The following ERBIN variants were observed in gnomAD, a reference collection of about 807,000 sequenced individuals.
ERBIN encodes densin-180-like protein.
A neutral mutation model predicts 158.4 loss-of-function variants in ERBIN; 60 were observed. The observed-to-expected ratio is 0.38, with a 90% confidence interval of 0.31 to 0.47. The LOEUF is 0.47. Ranked by LOEUF, ERBIN falls within the 20% of genes least tolerant of loss-of-function variation. ERBIN has a pLI of 0.99. For synonymous variants in ERBIN, 594 were observed against 557.2 expected (o/e 1.07, Z -0.93); for missense variants, 1,610 against 1,648.0 (o/e 0.98, Z 0.40).
In ERBIN at chr5:66,044,272, G is replaced by A; in HGVS notation, c.1564G>A (p.Glu522Lys). Residue 522 changes from glutamate (E) to lysine (K), a missense_variant, in exon 17 of 26, where the codon GAA (glutamate) becomes AAA (lysine). Glu to Lys is a moderately conservative substitution (Grantham distance 56, BLOSUM62 1). Coordinates refer to ENST00000284037, the MANE Select transcript of ERBIN (RefSeq NM_001253697.2). The stretch of plus-strand genomic sequence containing the variant: ...CTCAGGAAGAGATTTGAAACCACAT[G>A]AAGATCAACAAGATATAAATAAAGA... ...EDSGRDLKPHEDQQDINKDVG... is the reference protein window; with the variant it reads ...EDSGRDLKPHKDQQDINKDVG... 1 of 1,607,940 alleles carries A rather than the reference G, an allele frequency of 6.2e-7. No individual in the cohort carries two copies.
intron 1 of ERBIN, chr5:65,961,197 G>GT: frequency 6.6e-6 from 1 of 152,126 alleles, no homozygotes; most frequent in Non-Finnish European, 1.5e-5. Context: ...TTTGCTCCCA[G>GT]TTAAAAGGGC....
At chr5:66,001,973 C>G (rs1753052134) in intron 4 of ERBIN, among the ~76,000 whole-genome samples, 1 of 152,030 alleles carries the variant, frequency 6.6e-6, no homozygotes. Context: ...TTTCCCCTCA[C>G]TCCCCATCAG....
intron 1 of ERBIN, among the ~76,000 whole-genome samples, chr5:65,960,754 T>A (rs1265451984): frequency 6.6e-6 from 1 of 152,190 alleles, no homozygotes; most frequent in Non-Finnish European, 1.5e-5. Flanking sequence ...TTCAAGCAAG[T>A]TTAATCTTCC....
At chr5:66,008,315 A>T (rs1753837725) in intron 4 of ERBIN, among the ~76,000 whole-genome samples, 1 of 152,104 alleles carries the variant, frequency 6.6e-6, no homozygotes, top group South Asian at 2.1e-4. Context: ...GCTACTTAGG[A>T]GGCTGAGGCA....
intron 15 of ERBIN, among the ~76,000 whole-genome samples, chr5:66,039,769 A>G (rs918707528): frequency 1.3e-5 from 2 of 151,936 alleles, no homozygotes; most frequent in African/African-American, 4.8e-5. Context: ...ATTTAAATAC[A>G]TGGAAGAGAG....
chr5:66,053,965 A>G lies in ERBIN; in HGVS notation c.2647A>G (p.Ile883Val). 6.2e-7 allele frequency: 1 copy of G among 1,614,156 alleles called. No homozygotes were observed. Among genetic ancestry groups the G allele is most frequent in the Non-Finnish European group, 8.5e-7 (1 of 1,180,020 alleles). Reference protein sequence around the residue: ...ITNMEIGGLKIYDILSDNGPQ... With the variant: ...ITNMEIGGLKVYDILSDNGPQ... ...TAATATGGAGATTGGAGGGCTAAAAATCTATGATATTCTTAGTGATAATGG... is the reference window on the plus strand; with the variant it reads ...TAATATGGAGATTGGAGGGCTAAAAGTCTATGATATTCTTAGTGATAATGG... Residue 883 changes from isoleucine to valine, a missense_variant, in exon 21 of 26, where the codon ATC becomes GTC. Ile to Val is a conservative substitution (Grantham distance 29, BLOSUM62 3). Transcript: ENST00000284037.
chr5:66,001,419 T>C (rs1308243991), intron 4 of ERBIN, among the ~76,000 whole-genome samples: 1 of 152,198 alleles, frequency 6.6e-6, no homozygotes, highest in Non-Finnish European at 1.5e-5. Context: ...CACTTGCTTT[T>C]AGGATTTTGG....
chr5:65,967,412 T>A (rs2150976936), intron 1 of ERBIN, among the ~76,000 whole-genome samples: 2 of 152,262 alleles, frequency 1.3e-5, no homozygotes, highest in South Asian at 4.1e-4. Flanking sequence ...TTATCTTTCA[T>A]ACCATATTTT....
chr5:66,046,298 T>A (rs1758432737), intron 17 of ERBIN, 55 bp from the exon 18 acceptor site: 5 of 1,083,198 alleles, frequency 4.6e-6, no homozygotes, highest in Non-Finnish European at 6.3e-6. Context: ...TCTGAACTTT[T>A]AAAATAGATA....
At chr5:65,977,376 C>T (rs1214507739) in intron 1 of ERBIN, among the ~76,000 whole-genome samples, 3,573 of 149,888 alleles carry the variant, frequency 0.024, 68 homozygotes, top group African/African-American at 0.084. Context: ...GGCTGCTGGG[C>T]GGAGGGGCTC....
chr5:65,931,118 A>C (rs1293550944), intron 1 of ERBIN, among the ~76,000 whole-genome samples: 1 of 152,284 alleles, frequency 6.6e-6, no homozygotes, highest in Non-Finnish European at 1.5e-5. Context: ...TAGCTTTAAA[A>C]GCATATTGAA....
intron 17 of ERBIN, among the ~76,000 whole-genome samples, 180 bp downstream of exon 17, chr5:66,044,490 C>T (rs539899635): frequency 2.0e-4 from 30 of 152,152 alleles, no homozygotes; most frequent in Non-Finnish European, 3.7e-4. Context: ...AGGGGCTGGG[C>T]GTGGTGGCTC....
chr5:66,004,340 A>G (rs1398959540), intron 4 of ERBIN, among the ~76,000 whole-genome samples: 4 of 152,134 alleles, frequency 2.6e-5, no homozygotes, highest in African/African-American at 9.7e-5. Context: ...TTGACAGAGA[A>G]TTAAGAAGTA....
chr5:66,042,851 A>G (rs1758049220), intron 15 of ERBIN, among the ~76,000 whole-genome samples: 1 of 152,152 alleles, frequency 6.6e-6, no homozygotes, highest in Non-Finnish European at 1.5e-5. Context: ...AAGACGAATC[A>G]GCTTCAGGGA....
intron 2 of ERBIN, among the ~76,000 whole-genome samples, chr5:65,991,660 C>A (rs1376612771): frequency 6.6e-6 from 1 of 152,134 alleles, no homozygotes; most frequent in East Asian, 1.9e-4. Flanking sequence ...TATAATCTTA[C>A]TTTGCTAATA....
At chr5:66,009,208 G>C (rs1004932088) in intron 4 of ERBIN, among the ~76,000 whole-genome samples, 31 of 152,152 alleles carry the variant, frequency 2.0e-4, no homozygotes, top group African/African-American at 6.3e-4. Context: ...TATTTAGTCA[G>C]TTCAGCAAAG....
rs754950916 is a variant in ERBIN, at chr5:66,026,326, G to C, written c.1045G>C (p.Val349Leu). ...PEIGSWKNITVLFLHSNKLET... is the reference protein window; with the variant it reads ...PEIGSWKNITLLFLHSNKLET... ...GATTGGAAGCTGGAAAAATATAACT[G>C]TGCTGTTTCTCCATTCCAATAAACT... is the stretch of plus-strand genomic sequence containing the variant. Residue 349 changes from valine to leucine, a missense_variant, in exon 13 of 26, where the codon GTG (valine) becomes CTG (leucine). Coordinates refer to ENST00000284037, the MANE Select transcript of ERBIN (RefSeq NM_001253697.2). The C allele has an allele frequency of 1.3e-6, 2 of 1,591,754 alleles. No homozygotes were observed. Among genetic ancestry groups the C allele is most frequent in the African/African-American group, 1.4e-5 (1 of 73,246 alleles).
intron 7 of ERBIN, among the ~76,000 whole-genome samples, chr5:66,018,634 T>A (rs114074792): frequency 0.013 from 1,297 of 100,050 alleles, 125 homozygotes; most frequent in African/African-American, 0.041. Context: ...ATAGATTTTT[T>A]TTTATTTATT....
chr5:65,956,629 C>T (rs1011635617), intron 1 of ERBIN, among the ~76,000 whole-genome samples: 2 of 151,780 alleles, frequency 1.3e-5, no homozygotes, highest in Admixed American at 1.3e-4. Flanking sequence ...GTCCACCTGC[C>T]TCAGACTCCC....
Sources: gnomAD v4.1 joint callset for allele counts (sites outside exome capture counted in the v4.1 genomes callset) on GRCh38, gnomAD v4.1.1 for gene constraint, MANE v1.5 for transcripts, NCBI Gene and HGNC (gene_info 2026-07-23, HGNC 2026-07-21) for gene names.